NELL1: variants seen among roughly 807,000 people sequenced by gnomAD.
NELL1 encodes the protein neural EGFL like 1, also known as protein kinase C-binding protein NELL1.
NELL1 carries 76 observed loss-of-function variants against 107.4 expected under a neutral mutation model. The observed-to-expected ratio is 0.71, with a 90% CI of 0.59 to 0.86. The LOEUF is 0.86. Ranked by LOEUF, NELL1 falls within the 40% of genes least tolerant of loss-of-function variation. The pLI, the probability that NELL1 is intolerant of heterozygous loss-of-function variation, is 0.00. For missense variants in NELL1, 1,024 were observed against 1,005.5 expected (o/e 1.02, Z -0.25); for synonymous variants, 353 against 341.2 (o/e 1.03, Z -0.38).
chr11:21,476,975 C>A (rs1331420383), intron 15 of NELL1, among the ~76,000 whole-genome samples: 2 of 152,162 alleles, frequency 1.3e-5, no homozygotes, highest in African/African-American at 4.8e-5. Context: ...AGGCTCCCCA[C>A]CACAGGCTAA....
At chr11:21,018,059 A>C (rs1052630569) in intron 12 of NELL1, among the ~76,000 whole-genome samples, 11 of 152,064 alleles carry the variant, frequency 7.2e-5, no homozygotes, top group Non-Finnish European at 1.5e-4. Flanking sequence ...TCCTAGGCAC[A>C]ATTTGTCGCA....
At chr11:20,894,992 C>CTTCTCTTCATCCTTGCT (rs1849695070) in intron 5 of NELL1, among the ~76,000 whole-genome samples, 2 of 150,950 alleles carry the variant, frequency 1.3e-5, no homozygotes, top group Admixed American at 6.6e-5. Flanking sequence ...TTCCCTCTGG[C>CTTCTCTTCATCCTTGCT]CGGGCGCGGT....
intron 15 of NELL1, among the ~76,000 whole-genome samples, chr11:21,511,905 C>T (rs1051648427): frequency 1.1e-4 from 16 of 152,236 alleles, no homozygotes; most frequent in Middle Eastern, 3.4e-3. Context: ...ATGGACAATA[C>T]GGGACTAAAA....
intron 5 of NELL1, among the ~76,000 whole-genome samples, chr11:20,896,839 G>A (rs991373535): frequency 1.4e-4 from 21 of 152,060 alleles, no homozygotes; most frequent in Admixed American, 1.4e-3. Context: ...AAAATACCTA[G>A]GAATCCAACT....
At chr11:21,371,092 G>A in intron 15 of NELL1, 144 bp downstream of exon 15, 2 of 611,526 alleles carry the variant, frequency 3.3e-6, no homozygotes, top group Non-Finnish European at 5.5e-6. Context: ...CTCTCCCAAA[G>A]TGGGTACCTT....
intron 14 of NELL1, among the ~76,000 whole-genome samples, chr11:21,326,728 A>C (rs952208650): frequency 4.6e-5 from 7 of 151,726 alleles, no homozygotes; most frequent in African/African-American, 1.7e-4. Flanking sequence ...ACATTTTTAA[A>C]TATTTTCACT....
intron 15 of NELL1, among the ~76,000 whole-genome samples, chr11:21,447,983 G>C (rs913422646): frequency 3.9e-5 from 6 of 152,190 alleles, no homozygotes; most frequent in Non-Finnish European, 7.3e-5. Context: ...GTTCTGCCCA[G>C]TGTTGGCAGC....
At chr11:21,132,184 TG>T (rs1335854363) in intron 13 of NELL1, among the ~76,000 whole-genome samples, 4 of 97,608 alleles carry the variant, frequency 4.1e-5, no homozygotes, top group Non-Finnish European at 8.8e-5. Flanking sequence ...GCCTGTATTT[TG>T]TGTGTGTGTG....
intron 15 of NELL1, among the ~76,000 whole-genome samples, chr11:21,511,493 C>A (rs1407346165): frequency 6.6e-6 from 1 of 152,060 alleles, no homozygotes; most frequent in Non-Finnish European, 1.5e-5. Flanking sequence ...GTTTACAGTG[C>A]AGTGAAGGAA....
intron 14 of NELL1, among the ~76,000 whole-genome samples, chr11:21,241,186 G>A (rs547087144): frequency 2.0e-5 from 3 of 152,102 alleles, no homozygotes; most frequent in South Asian, 4.2e-4. Context: ...GAGACTTTAG[G>A]AAACATTACT....
At chr11:20,839,892 G>A (rs969303364) in intron 3 of NELL1, among the ~76,000 whole-genome samples, 1 of 152,186 alleles carries the variant, frequency 6.6e-6, no homozygotes, top group Non-Finnish European at 1.5e-5. Context: ...TAGCCTTAAA[G>A]GGCACATGGA....
At chr11:21,400,075 A>C (rs903788709) in intron 15 of NELL1, among the ~76,000 whole-genome samples, 1 of 151,806 alleles carries the variant, frequency 6.6e-6, no homozygotes, top group Non-Finnish European at 1.5e-5. Flanking sequence ...CCACTTTAAA[A>C]TAACTTTTAA....
At position 21,527,329 on chromosome 11, in the gene NELL1, G is replaced by A. The variant is rs140537927; in HGVS notation, c.1646-7045G>A. ...TCTCTAGGAAGTTTCAAACTTTCCC[G>A]TATCTTCCTGTCTTCTGAGCATCCC... On this transcript the variant is annotated intron_variant, in intron 15 of 19. Transcript: ENST00000357134. Among the ~76,000 whole-genome samples the A allele has an allele frequency of 2.8e-4, 43 of 152,164 alleles. No individual in the cohort carries two copies. In the East Asian group the frequency reaches 4.9e-3, roughly 17 times the overall value.
At chr11:21,201,720 T>A (rs1857274445) in intron 13 of NELL1, among the ~76,000 whole-genome samples, 1 of 152,224 alleles carries the variant, frequency 6.6e-6, no homozygotes, top group Non-Finnish European at 1.5e-5. Context: ...TCAAAGGGAA[T>A]GCTTCCAGCT....
At chr11:20,938,940 C>CTCTCTCTCTCTCTCTCTCTG (rs1216133538) in intron 10 of NELL1, among the ~76,000 whole-genome samples, 3 of 57,296 alleles carry the variant, frequency 5.2e-5, no homozygotes, top group African/African-American at 8.7e-5. Context: ...CTCTCTCTCT[C>CTCTCTCTCTCTCTCTCTCTG]TGTGTGTGTG....
At chr11:21,104,928 G>A (rs1238488653) in intron 12 of NELL1, among the ~76,000 whole-genome samples, 2 of 152,222 alleles carry the variant, frequency 1.3e-5, no homozygotes, top group South Asian at 2.1e-4. Context: ...AGCACTATAT[G>A]TCTGTTCTTA....
intron 15 of NELL1, among the ~76,000 whole-genome samples, chr11:21,438,393 C>T (rs1228173426): frequency 6.6e-6 from 1 of 152,022 alleles, no homozygotes; most frequent in Non-Finnish European, 1.5e-5. Flanking sequence ...TTCGTTGCTA[C>T]TTTTTTCTCT....
chr11:20,768,193 G>GAT (rs1856572731), intron 2 of NELL1, among the ~76,000 whole-genome samples: 1 of 152,194 alleles, frequency 6.6e-6, no homozygotes, highest in South Asian at 2.1e-4. Flanking sequence ...GTGCAAAGGA[G>GAT]ATAGGTATTA....
intron 2 of NELL1, among the ~76,000 whole-genome samples, chr11:20,721,101 G>A (rs73446523): frequency 0.032 from 4,860 of 150,188 alleles, 276 homozygotes; most frequent in African/African-American, 0.12. Flanking sequence ...ATCAAAATCA[G>A]TCTAGCTTCC....
Sources: gnomAD v4.1 joint callset for allele counts (sites outside exome capture counted in the v4.1 genomes callset) on GRCh38, gnomAD v4.1.1 for gene constraint, MANE v1.5 for transcripts, NCBI Gene and HGNC (gene_info 2026-07-23, HGNC 2026-07-21) for gene names.